Variants in SMYD3 observed in about 807,000 individuals in gnomAD.
The protein encoded by SMYD3 is histone-lysine N-methyltransferase SMYD3.
In SMYD3, 36 loss-of-function variants were observed where a neutral mutation model predicts 57.7. The ratio of observed to expected loss-of-function variants is 0.62; its 90% confidence interval spans 0.48 to 0.82. The LOEUF is 0.82. Among genes scored for constraint, SMYD3 ranks in the 40% least tolerant of loss-of-function variants. The probability of loss-of-function intolerance (pLI) is 0.00; values close to 1 mark genes in which losing one functional copy is unlikely to be tolerated. For synonymous variants in SMYD3, 211 were observed against 195.0 expected (o/e 1.08, Z -0.68); for missense variants, 515 against 538.8 (o/e 0.96, Z 0.44).
chr1:246,380,682 G>A (rs1403359353), intron 1 of SMYD3, among the ~76,000 whole-genome samples: 4 of 152,184 alleles, frequency 2.6e-5, no homozygotes, highest in East Asian at 1.9e-4. Flanking sequence ...TTGATGCTAC[G>A]ACAGAGGCAG....
intron 8 of SMYD3, among the ~76,000 whole-genome samples, chr1:245,892,368 C>T (rs1335783151): frequency 6.6e-6 from 1 of 152,172 alleles, no homozygotes; most frequent in Admixed American, 6.5e-5. Flanking sequence ...TAATTGAACC[C>T]TTAAAGTAGC....
intron 5 of SMYD3, among the ~76,000 whole-genome samples, chr1:246,254,916 T>C (rs186593665): frequency 1.3e-5 from 2 of 152,332 alleles, no homozygotes; most frequent in African/African-American, 4.8e-5. Flanking sequence ...GATTCATTAT[T>C]TGGCTCTCAG....
chr1:246,316,398 C>T (rs79556444), intron 5 of SMYD3, among the ~76,000 whole-genome samples: 21,931 of 144,794 alleles, frequency 0.15, 2,054 homozygotes, highest in East Asian at 0.38. Context: ...TCACTCTTGT[C>T]GCCCAGGCTG....
intron 1 of SMYD3, among the ~76,000 whole-genome samples, chr1:246,398,693 C>T (rs1444770316): frequency 6.6e-6 from 1 of 152,068 alleles, no homozygotes; most frequent in African/African-American, 2.4e-5. Flanking sequence ...CACTGGGGCT[C>T]AGGTTAGTCA....
At chr1:246,108,175 G>A (rs1372314892) in intron 5 of SMYD3, among the ~76,000 whole-genome samples, 1 of 152,146 alleles carries the variant, frequency 6.6e-6, no homozygotes, top group African/African-American at 2.4e-5. Flanking sequence ...ATGCATCCAC[G>A]TCTAAACATC....
At chr1:245,751,519 TGAGAGAGAGAGA>T (rs1009472004) in intron 11 of SMYD3, among the ~76,000 whole-genome samples, 3 of 87,728 alleles carry the variant, frequency 3.4e-5, no homozygotes, top group African/African-American at 1.0e-4. Flanking sequence ...GATTTGCTGC[TGAGAGAGAGAGA>T]AAGAGAGAGA....
intron 10 of SMYD3, among the ~76,000 whole-genome samples, chr1:245,848,773 C>G (rs983667949): frequency 6.6e-6 from 1 of 151,926 alleles, no homozygotes; most frequent in Non-Finnish European, 1.5e-5. Flanking sequence ...GCAAGGTAGA[C>G]GGGGAATAAG....
chr1:246,121,224 T>C (rs2061419677), intron 5 of SMYD3, among the ~76,000 whole-genome samples: 1 of 70,060 alleles, frequency 1.4e-5, no homozygotes, highest in African/African-American at 5.2e-5. Flanking sequence ...TTTCTCTTGC[T>C]CTATGAGTAT....
At chr1:246,003,450 A>G (rs879425114) in intron 5 of SMYD3, among the ~76,000 whole-genome samples, 1 of 152,260 alleles carries the variant, frequency 6.6e-6, no homozygotes, top group Non-Finnish European at 1.5e-5. Flanking sequence ...GAATATGGAC[A>G]GCTGAAGTTC....
intron 8 of SMYD3, among the ~76,000 whole-genome samples, chr1:245,910,180 TAAAG>T (rs1198316449): frequency 2.6e-5 from 4 of 151,760 alleles, no homozygotes; most frequent in African/African-American, 4.8e-5. Context: ...TGAAAACAAA[TAAAG>T]AAAGCAATCC....
chr1:245,949,825 A>AACC (rs2057559888), intron 5 of SMYD3, among the ~76,000 whole-genome samples: 1 of 93,304 alleles, frequency 1.1e-5, no homozygotes, highest in African/African-American at 6.1e-5. Flanking sequence ...AAAGAAACCC[A>AACC]CCCCCCCCAC....
At chr1:246,106,315 C>A (rs1199650096) in intron 5 of SMYD3, among the ~76,000 whole-genome samples, 1 of 152,166 alleles carries the variant, frequency 6.6e-6, no homozygotes, top group Non-Finnish European at 1.5e-5. Context: ...AACAAAATGT[C>A]TCATTTAAGA....
chr1:246,102,743 CA>C (rs746820906), intron 5 of SMYD3, among the ~76,000 whole-genome samples: 4,879 of 145,722 alleles, frequency 0.033, 254 homozygotes, highest in African/African-American at 0.11. Flanking sequence ...CCTTGGCTCT[CA>C]AAAAAAAAAA....
intron 1 of SMYD3, among the ~76,000 whole-genome samples, chr1:246,403,563 G>T (rs1219712530): frequency 6.6e-6 from 1 of 152,096 alleles, no homozygotes; most frequent in Non-Finnish European, 1.5e-5. Flanking sequence ...ATGAGATATG[G>T]ATAATTTATT....
intron 5 of SMYD3, among the ~76,000 whole-genome samples, chr1:246,079,607 C>T (rs1396747523): frequency 1.3e-5 from 2 of 152,276 alleles, no homozygotes; most frequent in South Asian, 2.1e-4. Flanking sequence ...CATCATCCCC[C>T]GACTGTCTGT....
At chr1:246,219,850 G>T (rs1029320691) in intron 5 of SMYD3, among the ~76,000 whole-genome samples, 19 of 152,088 alleles carry the variant, frequency 1.2e-4, no homozygotes, top group African/African-American at 4.6e-4. Flanking sequence ...CATGAGGGGT[G>T]GAACGCAGCA....
intron 5 of SMYD3, among the ~76,000 whole-genome samples, chr1:246,201,927 C>A (rs955169913): frequency 6.6e-6 from 1 of 151,588 alleles, no homozygotes; most frequent in African/African-American, 2.4e-5. Flanking sequence ...GCAGGAGAAT[C>A]GCTTGCACCC....
intron 5 of SMYD3, among the ~76,000 whole-genome samples, chr1:245,960,832 T>C (rs968989758): frequency 2.0e-5 from 3 of 152,236 alleles, no homozygotes; most frequent in Admixed American, 6.5e-5. Context: ...CTTAACTTTT[T>C]CAGATATACT....
chr1:245,956,092 T>C, intron 5 of SMYD3: 3 of 980,772 alleles, frequency 3.1e-6, no homozygotes, highest in Non-Finnish European at 3.6e-6. Flanking sequence ...TTCTATTTTT[T>C]CATTTTTCAG....
Sources: gnomAD v4.1 joint callset for allele counts (sites outside exome capture counted in the v4.1 genomes callset) on GRCh38, gnomAD v4.1.1 for gene constraint, MANE v1.5 for transcripts, NCBI Gene and HGNC (gene_info 2026-07-23, HGNC 2026-07-21) for gene names.